The following RIMS2 variants were observed in gnomAD, a reference collection of about 807,000 sequenced individuals.
RIMS2 encodes the protein regulating synaptic membrane exocytosis protein 2.
A neutral mutation model predicts 174.4 loss-of-function variants in RIMS2; 59 were observed. That is an observed-to-expected ratio of 0.34 (90% CI 0.27 to 0.42). The LOEUF (loss-of-function observed/expected upper bound fraction) is 0.42. Among genes scored for constraint, RIMS2 ranks in the 10% least tolerant of loss-of-function variants. The pLI is 1.00. For synonymous variants in RIMS2, 606 were observed against 572.5 expected, an observed-to-expected ratio of 1.06 and a Z score of -0.84; for missense variants, 1,620 against 1,666.3, an observed-to-expected ratio of 0.97 and a Z score of 0.48.
At chr8:103,557,569 T>G (rs1011210494) in intron 1 of RIMS2, among the ~76,000 whole-genome samples, 1 of 152,164 alleles carries the variant, frequency 6.6e-6, no homozygotes, top group African/African-American at 2.4e-5. Context: ...GTTCTAGAAA[T>G]TTGGGACACT....
At chr8:104,196,277 A>G (rs902773692) in intron 19 of RIMS2, among the ~76,000 whole-genome samples, 2 of 152,130 alleles carry the variant, frequency 1.3e-5, no homozygotes, top group African/African-American at 4.8e-5. Context: ...AACTTTTTAT[A>G]TCCATTCACT....
chr8:103,925,699 C>T (rs566074573), intron 10 of RIMS2, among the ~76,000 whole-genome samples: 2 of 151,606 alleles, frequency 1.3e-5, no homozygotes, highest in African/African-American at 2.4e-5. Flanking sequence ...AGTTTGCCAT[C>T]CCTATCTGAA....
intron 1 of RIMS2, among the ~76,000 whole-genome samples, chr8:103,591,794 A>T (rs2094272627): frequency 6.6e-6 from 1 of 151,142 alleles, no homozygotes; most frequent in Non-Finnish European, 1.5e-5. Flanking sequence ...TGCCTTAATT[A>T]CTATGGATTT....
intron 19 of RIMS2, among the ~76,000 whole-genome samples, chr8:104,069,857 T>C (rs2097168639): frequency 6.6e-6 from 1 of 152,174 alleles, no homozygotes; most frequent in Non-Finnish European, 1.5e-5. Context: ...GAAAATACTT[T>C]GTTCTGATAT....
rs370162871 is a variant in RIMS2, at chr8:103,766,428, T to C, written c.589T>C (p.Ser197Pro). 2.3e-5 allele frequency: 37 copies of C among 1,613,636 alleles called. No individual in the cohort carries two copies. In the African/African-American group the frequency reaches 4.0e-4, roughly 17 times the overall value. Residue 197 changes from serine to proline, a missense_variant, in exon 3 of 24, where the codon TCT becomes CCT. Physicochemically the swap from Ser to Pro is moderately conservative, Grantham distance 74. Transcript: ENST00000504942. ...GTTCCAAGGACCCTCAGGTGACTTATCTGTACCTGCAGTGGAGAAAAGTCG... is the reference window on the plus strand; with the variant it reads ...GTTCCAAGGACCCTCAGGTGACTTACCTGTACCTGCAGTGGAGAAAAGTCG...
At chr8:103,729,342 G>A (rs1768585748) in intron 2 of RIMS2, among the ~76,000 whole-genome samples, 2 of 151,808 alleles carry the variant, frequency 1.3e-5, no homozygotes, top group Non-Finnish European at 2.9e-5. Flanking sequence ...TTTTTTCTAG[G>A]TTTTCCAACT....
At chr8:103,833,713 A>G (rs1342697781) in intron 3 of RIMS2, among the ~76,000 whole-genome samples, 2 of 152,068 alleles carry the variant, frequency 1.3e-5, no homozygotes, top group Non-Finnish European at 2.9e-5. Context: ...TATAGCCACT[A>G]TATCTCTGTT....
At chr8:103,857,566 G>A (rs1050731340) in intron 3 of RIMS2, among the ~76,000 whole-genome samples, 1 of 152,006 alleles carries the variant, frequency 6.6e-6, no homozygotes, top group Non-Finnish European at 1.5e-5. Context: ...GCAGTTGTGT[G>A]TATTCTGGCC....
chr8:103,798,374 T>G (rs926249091), intron 3 of RIMS2, among the ~76,000 whole-genome samples: 1 of 152,150 alleles, frequency 6.6e-6, no homozygotes. Flanking sequence ...TAAAACCAAC[T>G]AAATTTTAAT....
chr8:103,564,975 C>G (rs999572029), intron 1 of RIMS2, among the ~76,000 whole-genome samples: 10 of 152,180 alleles, frequency 6.6e-5, no homozygotes, highest in African/African-American at 1.9e-4. Context: ...TTATATGACA[C>G]AGCTCTATCT....
At chr8:103,885,259 T>C (rs1380912108) in intron 3 of RIMS2, 39 bp from the exon 7 acceptor site, 7 of 1,512,504 alleles carry the variant, frequency 4.6e-6, no homozygotes, top group Non-Finnish European at 4.4e-6. Context: ...ATTGATAAAC[T>C]TTTGCTCTTC....
Position 104,019,659 on chromosome 8 carries a change from A to T in RIMS2, c.3334+5044A>T, listed in dbSNP as rs182876997. Among the ~76,000 whole-genome samples the T allele has an allele frequency of 2.1e-4, 32 of 152,276 alleles. No homozygotes were observed. In the East Asian group the frequency reaches 3.9e-3, roughly 18 times the overall value. Reference sequence around the variant, plus strand: ...AATTGCATATTTCTAGACATGTAGAATTGCTTTGGTTCTGAATATCTACTA... The same window carrying T: ...AATTGCATATTTCTAGACATGTAGATTTGCTTTGGTTCTGAATATCTACTA... On this transcript the variant is annotated intron_variant, in intron 19 of 23. Transcript: ENST00000504942.
intron 1 of RIMS2, among the ~76,000 whole-genome samples, chr8:103,678,304 C>T (rs1014792820): frequency 3.3e-5 from 5 of 152,036 alleles, no homozygotes; most frequent in Non-Finnish European, 7.4e-5. Context: ...TGACTATGAG[C>T]CATGTATTAT....
intron 19 of RIMS2, among the ~76,000 whole-genome samples, chr8:104,172,851 A>G (rs1329144112): frequency 6.6e-6 from 1 of 152,238 alleles, no homozygotes; most frequent in African/African-American, 2.4e-5. Context: ...AGAACTTTAA[A>G]TGTCACTTAG....
At chr8:103,542,111 AAGAAG>A (rs1218914688) in intron 1 of RIMS2, among the ~76,000 whole-genome samples, 9 of 152,280 alleles carry the variant, frequency 5.9e-5, no homozygotes, top group South Asian at 2.1e-4. Flanking sequence ...AGACTATGAA[AAGAAG>A]AGAAGACTCC....
At chr8:103,643,889 G>C (rs1564135834) in intron 1 of RIMS2, among the ~76,000 whole-genome samples, 1 of 152,050 alleles carries the variant, frequency 6.6e-6, no homozygotes, top group Non-Finnish European at 1.5e-5. Flanking sequence ...TTGAAGGCTA[G>C]AGGAGGATGA....
intron 1 of RIMS2, among the ~76,000 whole-genome samples, chr8:103,625,009 C>A (rs1270262787): frequency 6.6e-6 from 1 of 151,998 alleles, no homozygotes; most frequent in Admixed American, 6.6e-5. Context: ...TAAATAGAAT[C>A]AGTTTATATC....
intron 3 of RIMS2, among the ~76,000 whole-genome samples, chr8:103,851,930 C>G (rs1279033301): frequency 1.3e-5 from 2 of 151,746 alleles, no homozygotes; most frequent in Non-Finnish European, 2.9e-5. Context: ...AAAATTAGAA[C>G]TAGCTAGATT....
intron 1 of RIMS2, among the ~76,000 whole-genome samples, chr8:103,546,390 T>C (rs1845122879): frequency 6.6e-6 from 1 of 152,092 alleles, no homozygotes. Context: ...AGCACATTCT[T>C]AGAGACCTAT....
Sources: allele counts gnomAD v4.1 joint callset (sites outside exome capture counted in the v4.1 genomes callset), GRCh38; gene constraint gnomAD v4.1.1; transcripts MANE v1.5; gene names NCBI Gene and HGNC (gene_info 2026-07-23, HGNC 2026-07-21).